BAHD1: variants seen among roughly 807,000 people sequenced by gnomAD.
The protein encoded by BAHD1 is bromo adjacent homology domain containing 1, also known as bromo adjacent homology domain-containing 1 protein.
In BAHD1, 20 loss-of-function variants were observed where a neutral mutation model predicts 63.1. That is an observed-to-expected ratio of 0.32 (90% CI 0.22 to 0.46). The LOEUF (loss-of-function observed/expected upper bound fraction) is 0.46. BAHD1 is among the 20% of genes least tolerant of loss of function. The pLI, the probability that BAHD1 is intolerant of heterozygous loss-of-function variation, is 1.00. For missense variants in BAHD1, 939 were observed against 1,071.8 expected (o/e 0.88, Z 1.73); for synonymous variants, 408 against 426.8 (o/e 0.96, Z 0.54).
chr15:40,447,659 G>A (rs928059740), intron 1 of BAHD1, among the ~76,000 whole-genome samples: 2 of 152,034 alleles, frequency 1.3e-5, no homozygotes, highest in African/African-American at 4.8e-5. Context: ...CAGAGAAATT[G>A]AAAGGACTTG....
chr15:40,464,305 C>T (rs1894140515), intron 4 of BAHD1, 166 bp from the exon 5 acceptor site: 1 of 674,544 alleles, frequency 1.5e-6, no homozygotes, highest in South Asian at 1.8e-5. Context: ...CCATGCCTAA[C>T]AGCATTCCAG....
At chr15:40,441,902 A>C in intron 1 of BAHD1, among the ~76,000 whole-genome samples, 1 of 151,380 alleles carries the variant, frequency 6.6e-6, no homozygotes, top group East Asian at 2.0e-4. Flanking sequence ...GGAGTAGTGT[A>C]GACCCGACTC....
Position 40,459,646 on chromosome 15 carries a change from G to T in BAHD1, c.1182G>T (p.Ser394=), listed in dbSNP as rs766957915. The T allele has an allele frequency of 1.9e-6, 3 of 1,613,958 alleles. No homozygotes were observed. The highest frequency in any genetic ancestry group is 1.7e-5 in the Admixed American group (1 of 60,000). Residue 394 remains serine (S), a synonymous_variant, in exon 2 of 7, where the codon TCG becomes TCT. Transcript: ENST00000416165. ...GQEGLQCGGY[S]PCPMLPEGKL... is the part of the protein sequence containing the mutation. ...AGGGGCTGCAGTGTGGGGGCTACTC[G>T]CCCTGCCCCATGCTTCCTGAGGGCA...
intron 1 of BAHD1, among the ~76,000 whole-genome samples, chr15:40,452,558 ACT>A (rs1893737485): frequency 2.0e-5 from 3 of 149,892 alleles, no homozygotes; most frequent in Non-Finnish European, 4.4e-5. Context: ...GTGGCCCACA[ACT>A]GAGGGCCACT....
intron 1 of BAHD1, among the ~76,000 whole-genome samples, chr15:40,447,894 C>T (rs2470620): frequency 0.013 from 1,904 of 152,268 alleles, 30 homozygotes; most frequent in African/African-American, 0.044. Context: ...GAAGCTCTCT[C>T]ATTTATTCAT....
At chr15:40,461,874 C>T (rs746022150) in intron 2 of BAHD1, 38 bp from the exon 3 acceptor site, 42 of 1,540,106 alleles carry the variant, frequency 2.7e-5, no homozygotes, top group Non-Finnish European at 3.7e-5. Flanking sequence ...ATGGGGGTCA[C>T]TGCTTGTCCT....
At chr15:40,464,408 C>G (rs1894143163) in intron 4 of BAHD1, 63 bp from the exon 5 acceptor site, 1 of 1,430,516 alleles carries the variant, frequency 7.0e-7, no homozygotes, top group African/African-American at 1.4e-5. Context: ...CAGCCAGCCT[C>G]TCTGCCTGTC....
rs1894158734 is a variant in BAHD1, at chr15:40,464,978, G to T, written c.2053-357G>T. ...GTGCTAAAAGAGGTGACTGCCATCT[G>T]TGTGTGCCCTGGGCTCACCTTTTAT... On this transcript the variant is annotated intron_variant, in intron 5 of 6. Coordinates refer to ENST00000416165, the MANE Select transcript of BAHD1 (RefSeq NM_014952.5). 3 of 386,838 alleles carry T rather than the reference G, an allele frequency of 7.8e-6. No homozygotes were observed. The South Asian group carries it at 8.7e-5, about 11-fold the overall frequency. 24.0% of individuals were successfully genotyped at this position (386,838 alleles called of 1,614,324 possible). A position where few individuals can be genotyped will look rare whatever the true frequency, so the allele number is the denominator to read the frequency against.
intron 5 of BAHD1, 87 bp from the exon 6 acceptor site, chr15:40,465,248 G>A (rs1254415724): frequency 5.9e-6 from 7 of 1,190,498 alleles, no homozygotes; most frequent in Non-Finnish European, 8.7e-6. Context: ...AGGTCAGCAG[G>A]CCCAGCAGAG....
chr15:40,445,208 T>C (rs1893502770), intron 1 of BAHD1, among the ~76,000 whole-genome samples: 1 of 150,492 alleles, frequency 6.6e-6, no homozygotes, highest in Non-Finnish European at 1.5e-5. Context: ...TTCTGTTTAT[T>C]TATTCATCCC....
intron 4 of BAHD1, 61 bp from the exon 5 acceptor site, chr15:40,464,410 C>T: frequency 6.9e-7 from 1 of 1,449,714 alleles, no homozygotes; most frequent in South Asian, 1.2e-5. Flanking sequence ...GCCAGCCTCT[C>T]TGCCTGTCTA....
chr15:40,465,193 G>T, intron 5 of BAHD1, 142 bp from the exon 6 acceptor site: 5 of 685,076 alleles, frequency 7.3e-6, no homozygotes, highest in Non-Finnish European at 1.3e-5. Context: ...AGTAGGTGAG[G>T]CATACTTAGG....
intron 2 of BAHD1, among the ~76,000 whole-genome samples, 190 bp downstream of exon 2, chr15:40,460,086 G>T (rs751443048): frequency 6.6e-6 from 1 of 152,164 alleles, no homozygotes; most frequent in East Asian, 1.9e-4. Context: ...AACAGGGCCC[G>T]TATAGCTCTG....
At chr15:40,462,847 C>T (rs1468963018) in intron 3 of BAHD1, among the ~76,000 whole-genome samples, 1 of 152,106 alleles carries the variant, frequency 6.6e-6, no homozygotes, top group African/African-American at 2.4e-5. Flanking sequence ...ATTAGTTAGC[C>T]AGGCATGGTG....
chr15:40,454,889 C>T (rs747157274), intron 1 of BAHD1, among the ~76,000 whole-genome samples: 1 of 152,134 alleles, frequency 6.6e-6, no homozygotes, highest in Non-Finnish European at 1.5e-5. Flanking sequence ...CCCCTCTCCC[C>T]AACCAGCCCT....
At chr15:40,448,036 G>T (rs1050332105) in intron 1 of BAHD1, among the ~76,000 whole-genome samples, 1 of 152,140 alleles carries the variant, frequency 6.6e-6, no homozygotes, top group East Asian at 1.9e-4. Context: ...GAGGTCAGGA[G>T]ATCGAGACCA....
intron 1 of BAHD1, chr15:40,453,430 T>C (rs1327216372): frequency 6.6e-6 from 1 of 152,176 alleles, no homozygotes; most frequent in Non-Finnish European, 1.5e-5. Context: ...TGATAGAAGA[T>C]TCAAGAAATT....
intron 1 of BAHD1, among the ~76,000 whole-genome samples, chr15:40,456,706 T>A (rs1893860751): frequency 6.6e-6 from 1 of 152,258 alleles, no homozygotes; most frequent in Non-Finnish European, 1.5e-5. Flanking sequence ...CTTGAGACTT[T>A]CAGGGTTAAA....
In BAHD1 at chr15:40,466,267, CA is replaced by C; in HGVS notation, c.*138del. 1.4e-6 allele frequency: 1 copy of C among 714,386 alleles called. No homozygotes were observed. The highest frequency in any genetic ancestry group is 2.1e-6 in the Non-Finnish European group (1 of 465,422). 44.3% of individuals were successfully genotyped at this position (714,386 alleles called of 1,614,324 possible). On this transcript the variant is annotated 3_prime_UTR_variant, in exon 7 of 7. Coordinates refer to ENST00000416165, the MANE Select transcript of BAHD1 (RefSeq NM_014952.5). ...CCTGTGGTTTTCTTGGGGGGGAGGG[CA>C]GGGGCCCCTGTGGGTTCTGGGCTCC...
Sources: allele counts gnomAD v4.1 joint callset (sites outside exome capture counted in the v4.1 genomes callset), GRCh38; gene constraint gnomAD v4.1.1; transcripts MANE v1.5; gene names NCBI Gene and HGNC (gene_info 2026-07-23, HGNC 2026-07-21).